Variants in KDM2B observed in about 807,000 individuals in gnomAD.
KDM2B encodes the protein lysine demethylase 2B.
Under a neutral mutation model 150.0 loss-of-function variants are expected in KDM2B, and 26 were observed. The observed-to-expected ratio is 0.17, with a 90% CI of 0.13 to 0.24. The LOEUF (loss-of-function observed/expected upper bound fraction) is 0.24, where lower values mean the gene tolerates loss of function less well. KDM2B is among the 10% of genes least tolerant of loss of function. The probability of loss-of-function intolerance (pLI) is 1.00; values close to 1 mark genes in which losing one functional copy is unlikely to be tolerated. For synonymous variants in KDM2B, 734 were observed against 729.5 expected (o/e 1.01, Z -0.10); for missense variants, 1,265 against 1,816.9 (o/e 0.70, Z 5.52).
In KDM2B at chr12:121,467,275, C is replaced by G; in HGVS notation, c.1735-13931G>C. 2.0e-6 allele frequency: 2 copies of G among 987,672 alleles called. No homozygotes were observed. Among genetic ancestry groups the G allele is most frequent in the Non-Finnish European group, 2.4e-6 (2 of 831,996 alleles). 61.2% of individuals were successfully genotyped at this position (987,672 alleles called of 1,614,324 possible). ...CTGGAGCGGCGCCGCCGCCGCCGCC[C>G]GCCCGGAGCAGGCTCGGCTCGCCCT... On this transcript the variant is annotated intron_variant, in intron 12 of 22. Coordinates refer to ENST00000377071, the MANE Select transcript of KDM2B (RefSeq NM_032590.5). The surrounding 1 kb of genome is among the most constrained non-coding windows in gnomAD (Gnocchi z 5.1).
chr12:121,431,832 G>C (rs1426279713), intron 22 of KDM2B, among the ~76,000 whole-genome samples: 1 of 151,516 alleles, frequency 6.6e-6, no homozygotes, highest in Non-Finnish European at 1.5e-5. Context: ...GAAAACGAGA[G>C]ATGCTTCAAC....
chr12:121,440,287 G>A, intron 21 of KDM2B: 3 of 586,010 alleles, frequency 5.1e-6, no homozygotes, highest in Non-Finnish European at 9.1e-6. Flanking sequence ...AAAACTAAAA[G>A]ACCTAGAAAC....
chr12:121,416,294 T>C, the KDM2B span: 4 of 1,614,056 alleles, frequency 2.5e-6, no homozygotes, highest in Non-Finnish European at 3.4e-6. Flanking sequence ...CCCTGAGTTT[T>C]CCACCTACCC....
chr12:121,580,994 G>T lies in KDM2B; in HGVS notation c.-83C>A, dbSNP rs1462427898. On this transcript the variant is annotated 5_prime_UTR_variant, in exon 1 of 23. Coordinates refer to ENST00000377071, the MANE Select transcript of KDM2B (RefSeq NM_032590.5). ...GGACTGCCTAACTTTTAAACTCCCG[G>T]CACTCAAAGATGTGGACACACACAC... 1.3e-6 allele frequency: 2 copies of T among 1,539,228 alleles called. No homozygotes were observed. The highest frequency in any genetic ancestry group is 8.7e-7 in the Non-Finnish European group (1 of 1,143,654).
At chr12:121,580,561 A>T in intron 1 of KDM2B, 3 of 661,262 alleles carry the variant, frequency 4.5e-6, no homozygotes, top group Non-Finnish European at 6.3e-6. Flanking sequence ...CGCATCCCGG[A>T]GATGGCGGGG....
At chr12:121,486,459 G>C (rs1047918558) in intron 12 of KDM2B, among the ~76,000 whole-genome samples, 5 of 150,018 alleles carry the variant, frequency 3.3e-5, no homozygotes, top group African/African-American at 7.4e-5. Context: ...GATTACAGGC[G>C]TGAGCCACTG....
At chr12:121,486,529 G>T (rs9795600) in intron 12 of KDM2B, among the ~76,000 whole-genome samples, 82,799 of 151,020 alleles carry the variant, frequency 0.55, 22,837 homozygotes, top group Middle Eastern at 0.65. Flanking sequence ...GCTCACTCTT[G>T]TAATCCCCAC....
intron 6 of KDM2B, among the ~76,000 whole-genome samples, chr12:121,540,793 AT>A (rs1888547436): frequency 6.7e-6 from 1 of 149,624 alleles, no homozygotes; most frequent in South Asian, 2.1e-4. Context: ...GGATGCCAGA[AT>A]TCCAATGCAG....
chr12:121,534,072 G>A lies in KDM2B; in HGVS notation c.777+425C>T, dbSNP rs528371337. Among the ~76,000 whole-genome samples, 81 of 152,080 alleles carry A rather than the reference G, an allele frequency of 5.3e-4. 1 individual carries two copies. The highest frequency in any genetic ancestry group is 1.1e-3 in the African/African-American group (47 of 41,500). On this transcript the variant is annotated intron_variant, in intron 7 of 22. Transcript: ENST00000377071. Reference sequence around the variant, plus strand: ...ATAATAATTTTTTAAAAAAAAAGCCGGGCACAGTGGCTCACGCCTCTAATC... The same window carrying A: ...ATAATAATTTTTTAAAAAAAAAGCCAGGCACAGTGGCTCACGCCTCTAATC...
At chr12:121,451,551 C>A (rs2138683116) in intron 13 of KDM2B, among the ~76,000 whole-genome samples, 1 of 152,318 alleles carries the variant, frequency 6.6e-6, no homozygotes, top group South Asian at 2.1e-4. Context: ...CCCATATTCA[C>A]TGCAGCACTA....
Position 121,509,564 on chromosome 12 carries a change from C to T in KDM2B, c.1647+3G>A. 6.2e-7 allele frequency: 1 copy of T among 1,611,246 alleles called. No homozygotes were observed. Among genetic ancestry groups the T allele is most frequent in the Non-Finnish European group, 8.5e-7 (1 of 1,178,720 alleles). ...CCCAGCCCCAGACGCCACTCCTGCC[C>T]ACCTTCACACCCTCCAGGAGTGCCT... is the stretch of plus-strand genomic sequence containing the variant. On this transcript the variant is annotated splice_donor_region_variant and intron_variant, in intron 11 of 22. Coordinates refer to ENST00000377071, the MANE Select transcript of KDM2B (RefSeq NM_032590.5).
chr12:121,488,747 G>T (rs1248620427), intron 12 of KDM2B, among the ~76,000 whole-genome samples: 2 of 151,020 alleles, frequency 1.3e-5, no homozygotes, highest in African/African-American at 4.9e-5. Flanking sequence ...TCACCCTTCC[G>T]AGTAGCTGGG....
At chr12:121,450,893 T>G (rs1555291484) in intron 13 of KDM2B, among the ~76,000 whole-genome samples, 11 of 150,550 alleles carry the variant, frequency 7.3e-5, no homozygotes, top group Non-Finnish European at 1.5e-5. Flanking sequence ...GGAACTTTCA[T>G]GCACCCGTGG....
At position 121,575,694 on chromosome 12, in the gene KDM2B, G is replaced by T. The variant is rs1891452285; in HGVS notation, c.350+87C>A. ...AGATCCTTCTCAGTGATGAGAGGTG[G>T]GAAGAGGGTGGAAGAAATCCATCCC... is the stretch of plus-strand genomic sequence containing the variant. On this transcript the variant is annotated intron_variant, in intron 3 of 22. Transcript: ENST00000377071. This position sits in a 1 kb window ranked among gnomAD's most constrained non-coding sequence, Gnocchi z 4.4. 3 of 934,234 alleles carry T rather than the reference G, an allele frequency of 3.2e-6. No homozygotes were observed. The highest frequency in any genetic ancestry group is 1.3e-5 in the South Asian group (1 of 76,018). The allele number at this position is 934,234 out of a possible 1,614,324, so 57.9% of individuals were successfully genotyped here. A position where few individuals can be genotyped will look rare whatever the true frequency, so the allele number is the denominator to read the frequency against.
At chr12:121,573,581 T>C (rs1427579563) in intron 4 of KDM2B, among the ~76,000 whole-genome samples, 1 of 144,554 alleles carries the variant, frequency 6.9e-6, no homozygotes. Flanking sequence ...GGCCTACTGT[T>C]TACTTCTTTT....
intron 22 of KDM2B, 128 bp downstream of exon 22, chr12:121,439,729 T>C: frequency 1.4e-6 from 1 of 711,848 alleles, no homozygotes; most frequent in Non-Finnish European, 2.5e-6. Flanking sequence ...GGGCTGTCTG[T>C]CTCAGTAAAC....
chr12:121,558,435 C>T (rs1165650465), intron 4 of KDM2B, among the ~76,000 whole-genome samples: 1 of 150,598 alleles, frequency 6.6e-6, no homozygotes, highest in Non-Finnish European at 1.5e-5. Context: ...TGGAGAAGGC[C>T]TGTGTTTCCT....
At chr12:121,524,092 C>A (rs1416270753) in intron 8 of KDM2B, among the ~76,000 whole-genome samples, 6 of 152,164 alleles carry the variant, frequency 3.9e-5, no homozygotes, top group African/African-American at 1.4e-4. Context: ...GACCCGGGAC[C>A]ACCGGGTCAT....
At chr12:121,473,422 A>G in intron 12 of KDM2B, among the ~76,000 whole-genome samples, 1 of 151,502 alleles carries the variant, frequency 6.6e-6, no homozygotes, top group Non-Finnish European at 1.5e-5. Flanking sequence ...GAGATGATAA[A>G]GAAGACAGTA....
Sources: allele counts gnomAD v4.1 joint callset (sites outside exome capture counted in the v4.1 genomes callset), GRCh38; gene constraint gnomAD v4.1.1; non-coding constraint Gnocchi (gnomAD v3.1); transcripts MANE v1.5; gene names NCBI Gene and HGNC (gene_info 2026-07-23, HGNC 2026-07-21).